The following CES1 variants were observed in gnomAD, a reference collection of about 807,000 sequenced individuals.
CES1 encodes the protein carboxylesterase 1.
Under a neutral mutation model 53.0 loss-of-function variants are expected in CES1, and 50 were observed. The observed-to-expected ratio is 0.94, with a 90% CI of 0.75 to 1.19. The LOEUF (loss-of-function observed/expected upper bound fraction) is 1.19. CES1 is among the 50% of genes most tolerant of loss of function. The pLI is 0.00. For missense variants in CES1, 534 were observed against 538.0 expected (o/e 0.99, Z 0.07); for synonymous variants, 202 against 210.1 (o/e 0.96, Z 0.33).
At chr16:55,811,420 G>A (rs1350934375) in intron 9 of CES1, among the ~76,000 whole-genome samples, 2 of 152,098 alleles carry the variant, frequency 1.3e-5, no homozygotes, top group African/African-American at 4.8e-5. Flanking sequence ...ACCTGTCACA[G>A]ATGACACTGA....
At chr16:55,822,903 T>A (rs1473931809) in intron 4 of CES1, among the ~76,000 whole-genome samples, 2 of 151,960 alleles carry the variant, frequency 1.3e-5, no homozygotes, top group Middle Eastern at 3.4e-3. Context: ...CTGGCATGGA[T>A]GGAGGAGAAC....
chr16:55,809,972 C>A (rs1340088203), intron 11 of CES1, among the ~76,000 whole-genome samples: 1 of 152,216 alleles, frequency 6.6e-6, no homozygotes, highest in Non-Finnish European at 1.5e-5. Context: ...CTGACTTCCA[C>A]CTCCAGCATC....
chr16:55,812,591 C>T (rs576338920), intron 9 of CES1, among the ~76,000 whole-genome samples: 9 of 152,292 alleles, frequency 5.9e-5, no homozygotes, highest in African/African-American at 2.2e-4. Context: ...CACTCCTTCC[C>T]CCTTCTAGGC....
intron 1 of CES1, among the ~76,000 whole-genome samples, chr16:55,831,923 C>T (rs529517314): frequency 1.3e-5 from 2 of 152,038 alleles, no homozygotes; most frequent in African/African-American, 4.8e-5. Context: ...TCGCTGCACC[C>T]CTCTATGTAC....
At chr16:55,831,376 T>A (rs530453423) in intron 1 of CES1, among the ~76,000 whole-genome samples, 106 of 150,364 alleles carry the variant, frequency 7.0e-4, no homozygotes, top group African/African-American at 2.4e-3. Context: ...TTCAACAGGA[T>A]GAGGTGGATG....
intron 11 of CES1, among the ~76,000 whole-genome samples, chr16:55,808,262 A>C (rs1159892312): frequency 3.4e-5 from 5 of 148,318 alleles, no homozygotes; most frequent in Non-Finnish European, 4.4e-5. Flanking sequence ...CCCAAAACGT[A>C]CTTTGTAAAA....
intron 11 of CES1, 38 bp downstream of exon 11, chr16:55,810,479 G>A (rs754252066): frequency 7.4e-6 from 12 of 1,613,512 alleles, no homozygotes; most frequent in Middle Eastern, 1.7e-4. Flanking sequence ...AGAAGCTCGT[G>A]GGGTTTGTGT....
At position 55,828,459 on chromosome 16, in the gene CES1, G is replaced by A. The variant is rs142308643; in HGVS notation, c.260+308C>T. On this transcript the variant is annotated intron_variant, in intron 2 of 13. Coordinates refer to ENST00000360526, the MANE Select transcript of CES1 (RefSeq NM_001025195.2). ...TGTTCTATCATATCACATAATCCAC[G>A]GAGTAATTTGCATATTGTTCTTATC... Among the ~76,000 whole-genome samples the A allele has an allele frequency of 3.2e-4, 48 of 152,238 alleles. No homozygotes were observed. In the East Asian group the frequency reaches 7.3e-3, roughly 23 times the overall value.
chr16:55,822,288 C>T (rs1159177922), intron 4 of CES1, among the ~76,000 whole-genome samples: 3 of 152,220 alleles, frequency 2.0e-5, no homozygotes, highest in Admixed American at 6.5e-5. Context: ...TGGCAGGGAT[C>T]TGAAAGTGTT....
intron 1 of CES1, among the ~76,000 whole-genome samples, chr16:55,829,182 C>T (rs1306025071): frequency 2.0e-5 from 3 of 152,096 alleles, no homozygotes; most frequent in African/African-American, 7.3e-5. Context: ...GAATTGGAGG[C>T]ATAAAAACAT....
At position 55,813,024 on chromosome 16, in the gene CES1, G is replaced by C. The variant is rs1165339584; in HGVS notation, c.965C>G (p.Thr322Ser). 1.2e-6 allele frequency: 2 copies of C among 1,614,008 alleles called. No homozygotes were observed. Among genetic ancestry groups the C allele is most frequent in the Admixed American group, 3.3e-5 (2 of 60,014 alleles). ...CAGCAGCAGCATCCCATCAATCACA[G>C]TGCCCAGAAGGGGTTGACTCTGGGG... ...DPRESQPLLG[T>S]VIDGMLLLKT... Residue 322 changes from threonine to serine, a missense_variant, in exon 9 of 14, where the codon ACT becomes AGT. Thr to Ser is a moderately conservative substitution (Grantham distance 58). Around this residue, in one of 5 missense-constraint regions of CES1, gnomAD observed 269 missense variants for 206.6 expected, o/e 1.30. Coordinates refer to ENST00000360526, the MANE Select transcript of CES1 (RefSeq NM_001025195.2).
intron 9 of CES1, among the ~76,000 whole-genome samples, chr16:55,811,758 CCCTTTGGGATG>C (rs34272710): frequency 0.66 from 98,310 of 149,884 alleles, 33,163 homozygotes; most frequent in Non-Finnish European, 0.75. Context: ...ACTTTCTCTG[CCCTTTGGGATG>C]TGAATCTACC....
chr16:55,809,093 C>CAAAAAAAAAAAAAAAAAAAAAA (rs376932562), intron 11 of CES1, among the ~76,000 whole-genome samples: 3 of 72,058 alleles, frequency 4.2e-5, no homozygotes, highest in Admixed American at 1.8e-4. Context: ...GTAGTCCTGG[C>CAAAAAAAAAAAAAAAAAAAAAA]AAAAAAAAAA....
chr16:55,825,735 C>T (rs2032390118), intron 3 of CES1, among the ~76,000 whole-genome samples: 1 of 152,198 alleles, frequency 6.6e-6, no homozygotes, highest in African/African-American at 2.4e-5. Context: ...GGGTGACCTC[C>T]CCTTCCCTGT....
chr16:55,812,822 A>G (rs2031758225), intron 9 of CES1, 81 bp downstream of exon 9: 1 of 1,586,026 alleles, frequency 6.3e-7, no homozygotes, highest in African/African-American at 1.3e-5. Context: ...TGCAGCTCGG[A>G]GAGGGAAGCA....
chr16:55,810,389 C>T (rs2031632643), intron 11 of CES1, 128 bp downstream of exon 11: 2 of 1,229,668 alleles, frequency 1.6e-6, no homozygotes, highest in Non-Finnish European at 2.4e-6. Context: ...TCATCCCATG[C>T]CATATGGAAT....
intron 8 of CES1, among the ~76,000 whole-genome samples, chr16:55,813,840 A>G (rs2142320731): frequency 6.6e-6 from 1 of 152,370 alleles, no homozygotes; most frequent in South Asian, 2.1e-4. Context: ...ACACGGCACT[A>G]AATAGACCGC....
At chr16:55,818,817 A>G (rs535535653) in intron 7 of CES1, among the ~76,000 whole-genome samples, 121 of 151,956 alleles carry the variant, frequency 8.0e-4, no homozygotes, top group Non-Finnish European at 1.6e-3. Context: ...GAATGGATAC[A>G]TGAATAGATG....
rs1248563475 is a variant in CES1 at position 55,813,001 on chromosome 16, G to C, written c.988C>G (p.Leu330Val). ...GCTTGAAGCTCTTCAGGTGTTTTCA[G>C]CAGCAGCATCCCATCAATCACAGTG... The part of the protein sequence containing the change: ...LGTVIDGMLL[L>V]KTPEELQAER... Residue 330 changes from leucine to valine, a missense_variant, in exon 9 of 14, where the codon CTG becomes GTG. By Grantham distance (32) the Leu-to-Val change is conservative (BLOSUM62 1). This residue lies in a region of CES1 where 269 missense variants were observed against 206.6 expected (regional missense o/e 1.30). Coordinates refer to ENST00000360526, the MANE Select transcript of CES1 (RefSeq NM_001025195.2). The C allele has an allele frequency of 1.2e-6, 2 of 1,613,966 alleles. No homozygotes were observed. Among genetic ancestry groups the C allele is most frequent in the Admixed American group, 1.7e-5 (1 of 59,992 alleles).
Sources: allele counts gnomAD v4.1 joint callset (sites outside exome capture counted in the v4.1 genomes callset), GRCh38; gene constraint gnomAD v4.1.1; regional missense constraint gnomAD v4.1.1; transcripts MANE v1.5; gene names NCBI Gene and HGNC (gene_info 2026-07-23, HGNC 2026-07-21).